PSPC1: variants seen among roughly 807,000 people sequenced by gnomAD.
PSPC1 encodes the protein paraspeckle component 1, also known as paraspeckle protein 1.
A neutral mutation model predicts 51.6 loss-of-function variants in PSPC1; 14 were observed. The ratio of observed to expected loss-of-function variants is 0.27; its 90% CI spans 0.18 to 0.42. PSPC1 has a LOEUF of 0.42. PSPC1 is among the 10% of genes least tolerant of loss of function. The pLI, the probability that PSPC1 is intolerant of heterozygous loss-of-function variation, is 1.00. For synonymous variants in PSPC1, 193 were observed against 231.9 expected (o/e 0.83, Z 1.53); for missense variants, 406 against 701.1 (o/e 0.58, Z 4.75).
At chr13:19,763,904 G>A (rs1887812720) in intron 2 of PSPC1, among the ~76,000 whole-genome samples, 1 of 152,080 alleles carries the variant, frequency 6.6e-6, no homozygotes, top group Non-Finnish European at 1.5e-5. Context: ...TCAGGAGACT[G>A]AGGAACGAGA....
intron 6 of PSPC1, among the ~76,000 whole-genome samples, chr13:19,685,376 T>C (rs1450037784): frequency 6.6e-6 from 1 of 152,232 alleles, no homozygotes; most frequent in Non-Finnish European, 1.5e-5. Context: ...TTTGCAGTGA[T>C]TATTTCAGGA....
rs1188605270 is a variant in PSPC1, at chr13:19,768,640, T to C, written c.674+3602A>G. On this transcript the variant is annotated intron_variant, in intron 2 of 8. Coordinates refer to ENST00000338910, the MANE Select transcript of PSPC1 (RefSeq NM_001354909.2). ...TCCAGGCTGGGCAACAGAGCAAGACTCTGTCTCAAATAAAAGAAAAGAAAA... is the reference window on the plus strand; with the variant it reads ...TCCAGGCTGGGCAACAGAGCAAGACCCTGTCTCAAATAAAAGAAAAGAAAA... Among the ~76,000 whole-genome samples the C allele has an allele frequency of 6.0e-5, 9 of 150,178 alleles. 1 individual carries two copies. Among genetic ancestry groups the C allele is most frequent in the Admixed American group, 6.0e-4 (9 of 15,026 alleles).
intron 1 of PSPC1, among the ~76,000 whole-genome samples, chr13:19,778,176 A>T (rs1172124355): frequency 6.6e-6 from 1 of 151,870 alleles, no homozygotes; most frequent in African/African-American, 2.4e-5. Context: ...CAGGAGGTGG[A>T]GGTTGCAGTG....
intron 6 of PSPC1, among the ~76,000 whole-genome samples, chr13:19,693,721 G>A (rs953637692): frequency 2.0e-5 from 3 of 152,124 alleles, no homozygotes; most frequent in African/African-American, 4.8e-5. Flanking sequence ...TGATGTGTAC[G>A]ATTTCTTTCC....
Position 19,688,849 on chromosome 13 carries a change from A to G in PSPC1, c.1159-11026T>C, listed in dbSNP as rs560777755. 9.2e-5 allele frequency among the ~76,000 whole-genome samples: 14 copies of G among 151,638 alleles called. No individual in the cohort carries two copies. In the South Asian group the frequency reaches 2.9e-3, roughly 31 times the overall value. ...CCTATAGATTGTTTAGAAACCATTC[A>G]TTTTGTTGACCAAATACAGTGTTCG... On this transcript the variant is annotated intron_variant and NMD_transcript_variant, in intron 6 of 7. Coordinates refer to the PSPC1 transcript ENST00000471658.
intron 6 of PSPC1, among the ~76,000 whole-genome samples, chr13:19,721,195 A>C (rs911097767): frequency 2.0e-5 from 3 of 152,222 alleles, no homozygotes; most frequent in African/African-American, 7.2e-5. Flanking sequence ...GGTGGCTCCA[A>C]ATACATTAAA....
intron 6 of PSPC1, among the ~76,000 whole-genome samples, chr13:19,683,184 G>A (rs1877474480): frequency 6.6e-6 from 1 of 152,098 alleles, no homozygotes; most frequent in Non-Finnish European, 1.5e-5. Flanking sequence ...TCCCCAAGAG[G>A]AATGAATGCA....
At chr13:19,692,757 CTT>C (rs1225647412) in intron 6 of PSPC1, among the ~76,000 whole-genome samples, 1 of 152,124 alleles carries the variant, frequency 6.6e-6, no homozygotes, top group Non-Finnish European at 1.5e-5. Context: ...CCCTAGGACA[CTT>C]TGCATCTCCC....
At chr13:19,737,362 T>C (rs1320875926) in intron 5 of PSPC1, 1 of 152,222 alleles carries the variant, frequency 6.6e-6, no homozygotes, top group Non-Finnish European at 1.5e-5. Context: ...AGTCTTTCTA[T>C]CTTTCATGAA....
rs1252284575 is a variant in PSPC1 at position 19,772,562 on chromosome 13, C to T, written c.373-19G>A. 4 of 1,562,686 alleles carry T rather than the reference C, an allele frequency of 2.6e-6. No individual in the cohort carries two copies. The South Asian group carries it at 4.7e-5, about 18-fold the overall frequency. ...TGGATTCCTTTTTAGGAAGAAAAAA[C>T]ATTTTTAAAAGATGACAGTAACAGA... On this transcript the variant is annotated intron_variant, in intron 1 of 8. Transcript: ENST00000338910.
chr13:19,672,097 C>A, downstream of PSPC1: 1 of 558,994 alleles, frequency 1.8e-6, no homozygotes, highest in South Asian at 2.5e-5. Flanking sequence ...TCAGTTTTTC[C>A]ACAATGTGGA....
chr13:19,691,378 A>T (rs568972261), intron 6 of PSPC1, among the ~76,000 whole-genome samples: 15 of 151,904 alleles, frequency 9.9e-5, no homozygotes, highest in Admixed American at 3.9e-4. Flanking sequence ...CTTTTTTTTT[A>T]AAAAGTAGCT....
rs1352489708 is a variant in PSPC1 at position 19,765,339 on chromosome 13, A to AT, written c.675-5922dup. ...GCCCATCTCAAAAATAATAATAATA[A>AT]TAATAATTATTATTATTATTATTAT... On this transcript the variant is annotated intron_variant, in intron 2 of 8. Transcript: ENST00000338910. Among the ~76,000 whole-genome samples, 738 of 145,752 alleles carry AT rather than the reference A, an allele frequency of 5.1e-3. 10 individuals carry two copies. The highest frequency in any genetic ancestry group is 0.017 in the African/African-American group (681 of 39,450).
intron 2 of PSPC1, among the ~76,000 whole-genome samples, chr13:19,765,153 G>A (rs1392404572): frequency 1.3e-5 from 2 of 151,464 alleles, no homozygotes; most frequent in Admixed American, 6.6e-5. Flanking sequence ...GTGAAACCCT[G>A]TCTCCAGTAA....
At chr13:19,755,091 G>A (rs775511278) in intron 3 of PSPC1, among the ~76,000 whole-genome samples, 3 of 151,868 alleles carry the variant, frequency 2.0e-5, no homozygotes, top group East Asian at 3.9e-4. Flanking sequence ...AAAATGAGAC[G>A]GGCATGGTGG....
intron 2 of PSPC1, among the ~76,000 whole-genome samples, chr13:19,760,033 T>C (rs1189046656): frequency 6.6e-6 from 1 of 152,168 alleles, no homozygotes; most frequent in African/African-American, 2.4e-5. Context: ...ATGTTTTATA[T>C]GTGTGGTCAT....
At chr13:19,698,365 CA>C (rs1406411455), downstream of PSPC1, among the ~76,000 whole-genome samples, 1 of 151,756 alleles carries the variant, frequency 6.6e-6, no homozygotes. Flanking sequence ...ACACCATCAA[CA>C]AAACACTTAA....
intron 4 of PSPC1, among the ~76,000 whole-genome samples, chr13:19,743,580 CA>C (rs1425284404): frequency 6.6e-6 from 1 of 152,052 alleles, no homozygotes; most frequent in Non-Finnish European, 1.5e-5. Flanking sequence ...AAAGCTCTTT[CA>C]AAAAAGTATG....
chr13:19,700,607 T>C (rs1879784423), downstream of PSPC1, among the ~76,000 whole-genome samples: 1 of 152,056 alleles, frequency 6.6e-6, no homozygotes, highest in African/African-American at 2.4e-5. Context: ...CATAGAGTAC[T>C]AGAATAAAAC....
Sources: gnomAD v4.1 joint callset for allele counts (sites outside exome capture counted in the v4.1 genomes callset) on GRCh38, gnomAD v4.1.1 for gene constraint, MANE v1.5 for transcripts, NCBI Gene and HGNC (gene_info 2026-07-23, HGNC 2026-07-21) for gene names.